DACH1: variants seen among roughly 807,000 people sequenced by gnomAD.
DACH1 encodes dachshund homolog 1.
A neutral mutation model predicts 54.2 loss-of-function variants in DACH1; 12 were observed. That is an observed-to-expected ratio of 0.22 (90% CI 0.14 to 0.36). The LOEUF is 0.36. Ranked by LOEUF, DACH1 falls within the 10% of genes least tolerant of loss-of-function variation. DACH1 has a pLI of 1.00. For missense variants in DACH1, 805 were observed against 929.8 expected, an observed-to-expected ratio of 0.87 and a Z score of 1.75; for synonymous variants, 386 against 366.2, an observed-to-expected ratio of 1.05 and a Z score of -0.62.
intron 4 of DACH1, among the ~76,000 whole-genome samples, chr13:71,564,307 T>G (rs1170051780): frequency 6.6e-6 from 1 of 152,066 alleles, no homozygotes; most frequent in Non-Finnish European, 1.5e-5. Flanking sequence ...AATAAGGGGC[T>G]GAAGCAGGAC....
chr13:71,493,994 A>G (rs142373905), intron 6 of DACH1, among the ~76,000 whole-genome samples: 2 of 152,310 alleles, frequency 1.3e-5, no homozygotes, highest in Non-Finnish European at 2.9e-5. Flanking sequence ...TTATTAAATT[A>G]GATCACAGTT....
At chr13:71,506,888 C>T (rs1876157033) in intron 6 of DACH1, among the ~76,000 whole-genome samples, 1 of 151,102 alleles carries the variant, frequency 6.6e-6, no homozygotes, top group African/African-American at 2.4e-5. Context: ...TTCCTTACAC[C>T]TTATACAAAA....
At chr13:71,820,376 G>A (rs1391729775) in intron 1 of DACH1, among the ~76,000 whole-genome samples, 1 of 152,070 alleles carries the variant, frequency 6.6e-6, no homozygotes, top group Non-Finnish European at 1.5e-5. Flanking sequence ...CAACCAAGGA[G>A]ATGTGATTGC....
At chr13:71,536,606 T>A (rs1882822920) in intron 6 of DACH1, among the ~76,000 whole-genome samples, 1 of 152,148 alleles carries the variant, frequency 6.6e-6, no homozygotes. Flanking sequence ...TGTGCCAAGT[T>A]TCATTCCTCA....
intron 9 of DACH1, 107 bp from the exon 10 acceptor site, chr13:71,475,316 A>G: frequency 1.1e-6 from 1 of 919,314 alleles, no homozygotes; most frequent in Non-Finnish European, 1.7e-6. Context: ...AATTACGTAA[A>G]TCTTTGTCAT....
intron 1 of DACH1, among the ~76,000 whole-genome samples, chr13:71,692,270 C>A (rs1594102887): frequency 6.6e-6 from 1 of 152,114 alleles, no homozygotes; most frequent in Non-Finnish European, 1.5e-5. Context: ...AAATAGTTTT[C>A]ATTTCCCCAT....
intron 3 of DACH1, among the ~76,000 whole-genome samples, chr13:71,620,537 T>C (rs947681406): frequency 1.3e-5 from 2 of 151,964 alleles, no homozygotes; most frequent in African/African-American, 2.4e-5. Flanking sequence ...GATTTTCAAG[T>C]AGGCTTGTCA....
At chr13:71,468,766 A>C (rs984580900) in intron 10 of DACH1, among the ~76,000 whole-genome samples, 1 of 152,066 alleles carries the variant, frequency 6.6e-6, no homozygotes, top group Non-Finnish European at 1.5e-5. Context: ...TAAGTTGTAG[A>C]TTTTTTTCTC....
rs553636296 is a variant in DACH1 at position 71,571,683 on chromosome 13, T to C, written c.1299+1157A>G. The stretch of plus-strand genomic sequence containing the variant: ...TTTAGAGCCATTAATATAAGAACAA[T>C]TCCTATTTGTATGTTACTCCACATT... On this transcript the variant is annotated intron_variant, in intron 4 of 10. Coordinates refer to ENST00000613252, the MANE Select transcript of DACH1 (RefSeq NM_080759.6). 9.2e-5 allele frequency among the ~76,000 whole-genome samples: 14 copies of C among 152,020 alleles called. No homozygotes were observed. In the South Asian group the frequency reaches 2.7e-3, roughly 29 times the overall value.
At chr13:71,774,259 C>T (rs1885976423) in intron 1 of DACH1, among the ~76,000 whole-genome samples, 1 of 152,146 alleles carries the variant, frequency 6.6e-6, no homozygotes, top group Non-Finnish European at 1.5e-5. Flanking sequence ...CAATTAGCTT[C>T]TAAGGTAGAA....
At chr13:71,848,393 T>C (rs1424158058) in intron 1 of DACH1, among the ~76,000 whole-genome samples, 1 of 152,212 alleles carries the variant, frequency 6.6e-6, no homozygotes, top group African/African-American at 2.4e-5. Context: ...CAACTTCCTT[T>C]AGATTGTTAT....
chr13:71,846,145 A>C (rs1873237117), intron 1 of DACH1: 1 of 194,096 alleles, frequency 5.2e-6, no homozygotes, highest in African/African-American at 2.4e-5. Flanking sequence ...ACACAAAGCG[A>C]GAACAGCACA....
intron 1 of DACH1, among the ~76,000 whole-genome samples, chr13:71,770,497 A>G (rs1040067635): frequency 7.3e-5 from 11 of 151,592 alleles, no homozygotes; most frequent in Non-Finnish European, 1.5e-5. Flanking sequence ...ATGCCCCGTA[A>G]TCCAGTAACA....
intron 1 of DACH1, among the ~76,000 whole-genome samples, chr13:71,794,041 G>A (rs1292439516): frequency 6.7e-6 from 1 of 150,094 alleles, no homozygotes; most frequent in Non-Finnish European, 1.5e-5. Flanking sequence ...CTATAATTAG[G>A]TCCAATTATT....
chr13:71,656,018 C>T (rs867972332), intron 2 of DACH1, among the ~76,000 whole-genome samples: 2 of 152,108 alleles, frequency 1.3e-5, no homozygotes, highest in Non-Finnish European at 2.9e-5. Context: ...TTGAAACTTG[C>T]GTGACATACT....
At chr13:71,480,119 T>G (rs1877903761) in intron 7 of DACH1, among the ~76,000 whole-genome samples, 2 of 152,246 alleles carry the variant, frequency 1.3e-5, no homozygotes, top group Admixed American at 1.3e-4. Flanking sequence ...TTCAGGACTA[T>G]GCCCCCAGGG....
At chr13:71,566,732 C>G (rs1593906384) in intron 4 of DACH1, among the ~76,000 whole-genome samples, 1 of 151,846 alleles carries the variant, frequency 6.6e-6, no homozygotes, top group African/African-American at 2.4e-5. Context: ...AGGTTAACAT[C>G]TTTTTTCATA....
intron 1 of DACH1, among the ~76,000 whole-genome samples, chr13:71,853,486 T>A (rs1325244526): frequency 6.6e-6 from 1 of 152,188 alleles, no homozygotes; most frequent in Non-Finnish European, 1.5e-5. Flanking sequence ...TCTCAAGAAA[T>A]GGATTTATAT....
At position 71,720,459 on chromosome 13, in the gene DACH1, G is replaced by A. The variant is rs151184352; in HGVS notation, c.849-38549C>T. Among the ~76,000 whole-genome samples, 207 of 152,192 alleles carry A rather than the reference G, an allele frequency of 1.4e-3. 1 individual carries two copies. The highest frequency in any genetic ancestry group is 3.7e-3 in the East Asian group (19 of 5,182). ...TTGTTACCCTATTGTCAGCCATAAC[G>A]TCTAGTTCAAGGCTCAGCTCATAAT... is the stretch of plus-strand genomic sequence containing the variant. On this transcript the variant is annotated intron_variant, in intron 1 of 10. Transcript: ENST00000613252.
Sources: allele counts gnomAD v4.1 joint callset (sites outside exome capture counted in the v4.1 genomes callset), GRCh38; gene constraint gnomAD v4.1.1; transcripts MANE v1.5; gene names NCBI Gene and HGNC (gene_info 2026-07-23, HGNC 2026-07-21).